Variants in TOPBP1 observed in about 807,000 individuals in gnomAD.
TOPBP1 encodes DNA topoisomerase 2-binding protein 1.
TOPBP1 carries 28 observed loss-of-function variants against 167.7 expected under a neutral mutation model. The ratio of observed to expected loss-of-function variants is 0.17; its 90% confidence interval spans 0.12 to 0.23. The LOEUF (loss-of-function observed/expected upper bound fraction) is 0.23. TOPBP1 is among the 10% of genes least tolerant of loss of function. The pLI, the probability that TOPBP1 is intolerant of heterozygous loss-of-function variation, is 1.00. For synonymous variants in TOPBP1, 598 were observed against 611.4 expected, an observed-to-expected ratio of 0.98 and a Z score of 0.32; for missense variants, 1,554 against 1,809.6, an observed-to-expected ratio of 0.86 and a Z score of 2.56.
intron 4 of TOPBP1, among the ~76,000 whole-genome samples, chr3:133,657,463 C>A (rs1259724866): frequency 6.6e-6 from 1 of 151,060 alleles, no homozygotes; most frequent in African/African-American, 2.4e-5. Flanking sequence ...CTCACTGCAA[C>A]CTCCACCTCC....
chr3:133,601,414 G>A, intron 27 of TOPBP1, 21 bp from the exon 28 acceptor site: 2 of 1,434,546 alleles, frequency 1.4e-6, no homozygotes, highest in South Asian at 2.8e-5. Context: ...AAAAATAAGT[G>A]ATTTTTTAAA....
At chr3:133,627,125 G>A (rs1274866309) in intron 16 of TOPBP1, among the ~76,000 whole-genome samples, 1 of 152,100 alleles carries the variant, frequency 6.6e-6, no homozygotes, top group East Asian at 1.9e-4. Context: ...TCCATTTCAG[G>A]AAAAGATTTA....
chr3:133,611,177 G>A (rs780790970), intron 24 of TOPBP1, 36 bp from the exon 25 acceptor site: 1 of 1,593,892 alleles, frequency 6.3e-7, no homozygotes, highest in South Asian at 1.1e-5. Flanking sequence ...AGTTGTTACA[G>A]TCTGGGGAGC....
At chr3:133,619,794 C>T (rs1230224053) in intron 20 of TOPBP1, among the ~76,000 whole-genome samples, 1 of 152,180 alleles carries the variant, frequency 6.6e-6, no homozygotes, top group Non-Finnish European at 1.5e-5. Context: ...TCATGCCTCA[C>T]TGTGAAGCAG....
rs1282507322 is a variant in TOPBP1 at position 133,607,042 on chromosome 3, G to GCTCC, written c.4425+1489_4425+1492dup. Among the ~76,000 whole-genome samples the GCTCC allele has an allele frequency of 2.0e-5, 3 of 152,094 alleles. No homozygotes were observed. In the East Asian group the frequency reaches 5.8e-4, roughly 29 times the overall value. ...AAACACTCTGTACAAATTACAATGTGCTCCCACTATAAACCTACCGCATGG... is the reference window on the plus strand; with the variant it reads ...AAACACTCTGTACAAATTACAATGTGCTCCCTCCCACTATAAACCTACCGCATGG... On this transcript the variant is annotated intron_variant, in intron 27 of 27. Coordinates refer to ENST00000260810, the MANE Select transcript of TOPBP1 (RefSeq NM_007027.4).
At chr3:133,618,054 T>C (rs1934957587) in intron 21 of TOPBP1, 159 bp downstream of exon 21, 2 of 621,472 alleles carry the variant, frequency 3.2e-6, no homozygotes, top group South Asian at 4.4e-5. Context: ...ATTTACAAAT[T>C]ATTTTTCTGG....
chr3:133,660,049 C>T (rs1936631419), intron 2 of TOPBP1, among the ~76,000 whole-genome samples: 1 of 152,160 alleles, frequency 6.6e-6, no homozygotes, highest in African/African-American at 2.4e-5. Context: ...TCCCCCATCC[C>T]TCACTCACTA....
rs370791800 is a variant in TOPBP1 at position 133,615,165 on chromosome 3, C to T, written c.3871+1649G>A. Among the ~76,000 whole-genome samples, 8 of 151,714 alleles carry T rather than the reference C, an allele frequency of 5.3e-5. 1 individual carries two copies. The highest frequency in any genetic ancestry group is 1.9e-4 in the East Asian group (1 of 5,162). On this transcript the variant is annotated intron_variant, in intron 23 of 27. Transcript: ENST00000260810. ...TTAATCTTTTCCTGATACTTCAGGG[C>T]CACTATTAAGAACCATTATTTTGGC...
intron 27 of TOPBP1, among the ~76,000 whole-genome samples, chr3:133,606,960 G>GA (rs1934514294): frequency 6.6e-6 from 1 of 151,776 alleles, no homozygotes; most frequent in South Asian, 2.1e-4. Context: ...AACAAACAAA[G>GA]AGACCATGAA....
intron 6 of TOPBP1, among the ~76,000 whole-genome samples, chr3:133,654,364 T>C (rs1262552217): frequency 6.6e-6 from 1 of 152,196 alleles, no homozygotes. Flanking sequence ...TTCAACACAA[T>C]GTATTTTGAA....
intron 12 of TOPBP1, among the ~76,000 whole-genome samples, chr3:133,641,238 T>C (rs1189652019): frequency 2.0e-5 from 3 of 152,244 alleles, no homozygotes; most frequent in African/African-American, 7.2e-5. Context: ...TTATATATAT[T>C]TGAAATGTCA....
intron 14 of TOPBP1, among the ~76,000 whole-genome samples, chr3:133,636,628 G>A (rs770505341): frequency 6.6e-6 from 1 of 152,126 alleles, no homozygotes; most frequent in East Asian, 1.9e-4. Flanking sequence ...ATCTATATAA[G>A]AATGGTCTCA....
intron 25 of TOPBP1, 57 bp from the exon 26 acceptor site, chr3:133,609,019 G>C (rs754742291): frequency 1.5e-6 from 2 of 1,297,150 alleles, no homozygotes; most frequent in Non-Finnish European, 2.2e-6. Context: ...AAATAATACA[G>C]ATAATGCATG....
chr3:133,655,221 T>A, intron 6 of TOPBP1, 69 bp downstream of exon 6: 3 of 1,005,790 alleles, frequency 3.0e-6, no homozygotes, highest in Non-Finnish European at 3.8e-6. Flanking sequence ...AATAAATAAA[T>A]AAATAAAAAT....
chr3:133,639,436 C>T (rs1490629925), intron 13 of TOPBP1, among the ~76,000 whole-genome samples: 4 of 151,898 alleles, frequency 2.6e-5, no homozygotes, highest in Non-Finnish European at 4.4e-5. Flanking sequence ...CATCACACAC[C>T]GGGGCCTGTC....
At chr3:133,634,491 G>T (rs772897113) in intron 14 of TOPBP1, among the ~76,000 whole-genome samples, 2 of 152,070 alleles carry the variant, frequency 1.3e-5, no homozygotes, top group Non-Finnish European at 2.9e-5. Context: ...CCTGGGTCCT[G>T]GGTGACAGAG....
intron 10 of TOPBP1, 96 bp from the exon 11 acceptor site, chr3:133,644,459 T>C (rs1249249231): frequency 1.7e-6 from 2 of 1,170,082 alleles, no homozygotes; most frequent in Non-Finnish European, 2.4e-6. Context: ...TCTGATAATT[T>C]TGACCATACT....
intron 25 of TOPBP1, among the ~76,000 whole-genome samples, chr3:133,610,636 TAAA>T (rs55877229): frequency 4.4e-5 from 6 of 135,386 alleles, no homozygotes; most frequent in Admixed American, 7.4e-5. Context: ...GATTAAAATT[TAAA>T]AAAAAAAAAA....
At position 133,653,368 on chromosome 3, in the gene TOPBP1, G is replaced by A; in HGVS notation, c.899C>T (p.Thr300Ile). ...ACTATCAATTGTGTTGATCTGGCTG[G>A]TAGGAGTTGAAGAATTGGGCATAGT... ...AKTMPNSSTP[T>I]SQINTIDSRT... The change falls in exon 7 of 28, where the codon ACC becomes ATC. Residue 300 changes from threonine to isoleucine, a missense_variant. By Grantham distance (89) the Thr-to-Ile change is moderately conservative. Coordinates refer to ENST00000260810, the MANE Select transcript of TOPBP1 (RefSeq NM_007027.4). The A allele has an allele frequency of 6.2e-7, 1 of 1,605,704 alleles. No homozygotes were observed. The highest frequency in any genetic ancestry group is 8.5e-7 in the Non-Finnish European group (1 of 1,177,312).
Sources: allele counts gnomAD v4.1 joint callset (sites outside exome capture counted in the v4.1 genomes callset), GRCh38; gene constraint gnomAD v4.1.1; transcripts MANE v1.5; gene names NCBI Gene and HGNC (gene_info 2026-07-23, HGNC 2026-07-21).